The following CREB3L2 variants were observed in gnomAD, a reference collection of about 807,000 sequenced individuals.
CREB3L2 encodes the protein cyclic AMP-responsive element-binding protein 3-like protein 2.
A neutral mutation model predicts 57.2 loss-of-function variants in CREB3L2; 23 were observed. The observed-to-expected ratio is 0.40, with a 90% CI of 0.29 to 0.57. The LOEUF is 0.57. Among genes scored for constraint, CREB3L2 ranks in the 20% least tolerant of loss-of-function variants. The pLI is 0.42. For missense variants in CREB3L2, 628 were observed against 634.7 expected (o/e 0.99, Z 0.11); for synonymous variants, 268 against 265.1 (o/e 1.01, Z -0.11).
chr7:137,878,973 C>A lies in CREB3L2; in HGVS notation c.*1503G>T. The A allele has an allele frequency of 4.9e-6, 2 of 406,874 alleles. No individual in the cohort carries two copies. The highest frequency in any genetic ancestry group is 9.2e-6 in the Non-Finnish European group (2 of 217,458). 25.2% of individuals were successfully genotyped at this position (406,874 alleles called of 1,614,324 possible). A position where few individuals can be genotyped will look rare whatever the true frequency, so the allele number is the denominator to read the frequency against. On this transcript the variant is annotated 3_prime_UTR_variant, in exon 12 of 12. Transcript: ENST00000330387. ...AGAGAGAGAGAGGGAGAGAGAGAAG[C>A]CAAAACCAAAGGCATTTCAGCTGCT...
intron 1 of CREB3L2, among the ~76,000 whole-genome samples, chr7:137,982,516 C>G (rs189892048): frequency 6.6e-6 from 1 of 152,176 alleles, no homozygotes; most frequent in Non-Finnish European, 1.5e-5. Context: ...GGGGGTGGGT[C>G]TTTCCTGTAT....
At chr7:137,962,900 C>CA (rs1261543085) in intron 1 of CREB3L2, among the ~76,000 whole-genome samples, 1 of 152,176 alleles carries the variant, frequency 6.6e-6, no homozygotes, top group Non-Finnish European at 1.5e-5. Flanking sequence ...ACTCATCCCC[C>CA]AGCACACACA....
chr7:137,952,679 C>T (rs1403950585), intron 1 of CREB3L2, among the ~76,000 whole-genome samples: 5 of 152,198 alleles, frequency 3.3e-5, no homozygotes, highest in Non-Finnish European at 5.9e-5. Flanking sequence ...AGGAAGTGCT[C>T]AGTAAGTATT....
chr7:137,945,341 T>C (rs17169456), intron 1 of CREB3L2, among the ~76,000 whole-genome samples: 2,991 of 152,316 alleles, frequency 0.02, 100 homozygotes, highest in African/African-American at 0.068. Context: ...TTTCTAACAA[T>C]GAAGACCTCT....
intron 1 of CREB3L2, among the ~76,000 whole-genome samples, chr7:137,987,964 T>G (rs1801820133): frequency 6.6e-6 from 1 of 152,256 alleles, no homozygotes. Context: ...GAAACCCATT[T>G]AATTCACCAC....
At chr7:137,922,434 ATACG>A (rs1470667984) in intron 2 of CREB3L2, among the ~76,000 whole-genome samples, 1,196 of 51,488 alleles carry the variant, frequency 0.023, 63 homozygotes, top group African/African-American at 0.14. Flanking sequence ...ATATATATAT[ATACG>A]TATATATATA....
chr7:137,894,330 T>C (rs1380141633), intron 8 of CREB3L2, among the ~76,000 whole-genome samples: 1 of 152,192 alleles, frequency 6.6e-6, no homozygotes, highest in Non-Finnish European at 1.5e-5. Context: ...ACATATATGC[T>C]GCTGCTCACT....
At chr7:137,931,192 A>G (rs1287677039) in intron 1 of CREB3L2, among the ~76,000 whole-genome samples, 1 of 151,758 alleles carries the variant, frequency 6.6e-6, no homozygotes, top group Non-Finnish European at 1.5e-5. Flanking sequence ...TGATTGTACC[A>G]TTGCACTCCA....
intron 6 of CREB3L2, among the ~76,000 whole-genome samples, chr7:137,904,442 G>C (rs1173692226): frequency 1.3e-5 from 2 of 152,216 alleles, no homozygotes; most frequent in Admixed American, 1.3e-4. Context: ...AAGGCGGGTA[G>C]ATCACCTGAG....
intron 10 of CREB3L2, among the ~76,000 whole-genome samples, chr7:137,883,154 G>C (rs559943514): frequency 6.6e-6 from 1 of 152,332 alleles, no homozygotes; most frequent in Non-Finnish European, 1.5e-5. Context: ...TGGCTCTGTA[G>C]CAATTTTCCA....
In CREB3L2 at chr7:138,002,063, G is replaced by A; in HGVS notation, c.-358C>T. The A allele has an allele frequency of 3.4e-6, 1 of 291,656 alleles. No homozygotes were observed. Among genetic ancestry groups the A allele is most frequent in the Non-Finnish European group, 6.5e-6 (1 of 153,662 alleles). 18.1% of individuals were successfully genotyped at this position (291,656 alleles called of 1,614,324 possible). On this transcript the variant is annotated 5_prime_UTR_variant, in exon 1 of 12. Coordinates refer to ENST00000330387, the MANE Select transcript of CREB3L2 (RefSeq NM_194071.4). The stretch of plus-strand genomic sequence containing the variant: ...CTACGGCTCCAGACACAAACTTTGA[G>A]GGACCCCAGGGCTCCTCGGCTCTGC...
At chr7:137,924,215 T>G (rs1800395101) in intron 2 of CREB3L2, among the ~76,000 whole-genome samples, 1 of 152,230 alleles carries the variant, frequency 6.6e-6, no homozygotes, top group Admixed American at 6.5e-5. Flanking sequence ...GGTCCTTTGT[T>G]CCACCCTTGA....
chr7:137,953,753 T>C (rs112134496), intron 1 of CREB3L2, among the ~76,000 whole-genome samples: 1 of 152,356 alleles, frequency 6.6e-6, no homozygotes, highest in African/African-American at 2.4e-5. Context: ...TGATGGTTTC[T>C]AGGCAACCGC....
chr7:137,897,050 A>T (rs1799641559), intron 8 of CREB3L2, among the ~76,000 whole-genome samples: 1 of 152,214 alleles, frequency 6.6e-6, no homozygotes. Context: ...GACTGTAATT[A>T]AAAATGCCAT....
Position 137,899,378 on chromosome 7 carries a change from C to T in CREB3L2, c.1043+1976G>A, listed in dbSNP as rs184783790. Among the ~76,000 whole-genome samples the T allele has an allele frequency of 3.6e-3, 547 of 152,324 alleles. 2 individuals are homozygous for T. The highest frequency in any genetic ancestry group is 0.013 in the African/African-American group (530 of 41,580). ...ACTCCAAGGAGGTCTTTGCTCTTCCCCTTTTCGCCAATTCTTGGCCAGGAT... is the reference window on the plus strand; with the variant it reads ...ACTCCAAGGAGGTCTTTGCTCTTCCTCTTTTCGCCAATTCTTGGCCAGGAT... On this transcript the variant is annotated intron_variant, in intron 8 of 11. Coordinates refer to ENST00000330387, the MANE Select transcript of CREB3L2 (RefSeq NM_194071.4).
chr7:137,938,980 A>C, intron 1 of CREB3L2, among the ~76,000 whole-genome samples: 1 of 150,254 alleles, frequency 6.7e-6, no homozygotes, highest in East Asian at 1.9e-4. Flanking sequence ...ATTCAGAATT[A>C]GCTAGCACAT....
intron 2 of CREB3L2, chr7:137,922,556 A>T (rs1373655487): frequency 2.4e-6 from 1 of 417,650 alleles, no homozygotes; most frequent in Admixed American, 2.5e-5. Flanking sequence ...ATTTATTCTT[A>T]AAAAGGGAAA....
intron 1 of CREB3L2, chr7:137,935,989 G>C: frequency 1.0e-6 from 1 of 970,532 alleles, no homozygotes; most frequent in South Asian, 4.8e-5. Context: ...ACTGCCCTAA[G>C]ATCAGAGGTC....
intron 1 of CREB3L2, among the ~76,000 whole-genome samples, chr7:137,948,461 T>C (rs1191075431): frequency 6.6e-6 from 1 of 152,184 alleles, no homozygotes; most frequent in East Asian, 1.9e-4. Context: ...CTCTACAAAG[T>C]TGGAATAAAA....
Sources: allele counts gnomAD v4.1 joint callset (sites outside exome capture counted in the v4.1 genomes callset), GRCh38; gene constraint gnomAD v4.1.1; transcripts MANE v1.5; gene names NCBI Gene and HGNC (gene_info 2026-07-23, HGNC 2026-07-21).